The following STAG1 variants were observed in gnomAD, a reference collection of about 807,000 sequenced individuals.
STAG1 encodes STAG1 cohesin complex component.
In STAG1, 26 loss-of-function variants were observed where a neutral mutation model predicts 170.9. That is an observed-to-expected ratio of 0.15 (90% CI 0.11 to 0.21). The LOEUF (loss-of-function observed/expected upper bound fraction) is 0.21, where lower values mean the gene tolerates loss of function less well. STAG1 is among the 10% of genes least tolerant of loss of function. The pLI, the probability that STAG1 is intolerant of heterozygous loss-of-function variation, is 1.00. For synonymous variants in STAG1, 514 were observed against 497.7 expected (o/e 1.03, Z -0.44); for missense variants, 964 against 1,509.5 (o/e 0.64, Z 5.99).
At chr3:136,421,485 T>C (rs1272336652) in intron 19 of STAG1, among the ~76,000 whole-genome samples, 1 of 152,194 alleles carries the variant, frequency 6.6e-6, no homozygotes, top group Non-Finnish European at 1.5e-5. Context: ...TGTCAGTCAC[T>C]TTTGTAGCTT....
At chr3:136,699,255 T>C (rs1303008327) in intron 1 of STAG1, among the ~76,000 whole-genome samples, 1 of 152,202 alleles carries the variant, frequency 6.6e-6, no homozygotes, top group Non-Finnish European at 1.5e-5. Context: ...AATGTCTCAA[T>C]AGCCTACTTA....
At chr3:136,600,922 C>A (rs1461726231) in intron 4 of STAG1, among the ~76,000 whole-genome samples, 1 of 151,664 alleles carries the variant, frequency 6.6e-6, no homozygotes, top group East Asian at 1.9e-4. Flanking sequence ...AAGAAGTCTT[C>A]CTCTGTCGCC....
At chr3:136,748,052 G>A (rs1044049924) in intron 1 of STAG1, among the ~76,000 whole-genome samples, 1 of 150,808 alleles carries the variant, frequency 6.6e-6, no homozygotes, top group Non-Finnish European at 1.5e-5. Context: ...TGGGATTACA[G>A]GCGTGAGCCA....
chr3:136,749,219 C>A (rs1935105141), intron 1 of STAG1, among the ~76,000 whole-genome samples: 1 of 152,126 alleles, frequency 6.6e-6, no homozygotes, highest in Non-Finnish European at 1.5e-5. Flanking sequence ...GGCCTCAGAG[C>A]TTAGCTGGTG....
chr3:136,433,407 T>C (rs2088366552), intron 16 of STAG1, 149 bp downstream of exon 16: 1 of 640,592 alleles, frequency 1.6e-6, no homozygotes, highest in East Asian at 3.0e-5. Flanking sequence ...GAGTATAGCA[T>C]ATAGGATATA....
chr3:136,352,679 A>G (rs1405996116), intron 28 of STAG1, among the ~76,000 whole-genome samples: 2 of 152,178 alleles, frequency 1.3e-5, no homozygotes, highest in African/African-American at 4.8e-5. Context: ...GAGTACCTAT[A>G]CAATCATTCT....
Position 136,654,945 on chromosome 3 carries a change from A to C in STAG1, c.-83-23964T>G, listed in dbSNP as rs930328914. On this transcript the variant is annotated intron_variant, in intron 1 of 33. Coordinates refer to ENST00000383202, the MANE Select transcript of STAG1 (RefSeq NM_005862.3). ...AGTAATGGAAAAACTGGGTAGCCAC[A>C]TGCAAATTTGGACCCTTATTTAACA... Among the ~76,000 whole-genome samples the C allele has an allele frequency of 5.3e-5, 8 of 152,224 alleles. No individual in the cohort carries two copies. The South Asian group carries it at 1.2e-3, about 24-fold the overall frequency.
chr3:136,443,171 G>T, intron 15 of STAG1, 116 bp downstream of exon 15: 1 of 594,906 alleles, frequency 1.7e-6, no homozygotes, highest in Non-Finnish European at 2.8e-6. Flanking sequence ...TGTTCTCTTG[G>T]CAAAAAGACA....
rs77063347 is a variant in STAG1, at chr3:136,500,582, A to C, written c.829-286T>G. Among the ~76,000 whole-genome samples, 563 of 152,318 alleles carry C rather than the reference A, an allele frequency of 3.7e-3. 5 individuals carry two copies. The highest frequency in any genetic ancestry group is 0.011 in the African/African-American group (477 of 41,570). ...GTGGTCAGATTCCTATCTCCAAAAT[A>C]TCATCTGCCTTAGGAACAGAACTCT... is the stretch of plus-strand genomic sequence containing the variant. On this transcript the variant is annotated intron_variant, in intron 8 of 33. Coordinates refer to ENST00000383202, the MANE Select transcript of STAG1 (RefSeq NM_005862.3).
intron 9 of STAG1, among the ~76,000 whole-genome samples, chr3:136,498,947 T>C (rs1169423558): frequency 6.6e-6 from 1 of 152,162 alleles, no homozygotes; most frequent in Non-Finnish European, 1.5e-5. Context: ...AACTTGCCAC[T>C]TGGTATACAC....
At chr3:136,457,887 G>C (rs1199836782) in intron 13 of STAG1, among the ~76,000 whole-genome samples, 6 of 152,026 alleles carry the variant, frequency 3.9e-5, no homozygotes, top group Non-Finnish European at 8.8e-5. Context: ...CTTGAGCTTA[G>C]GAGTTTGAGA....
At chr3:136,474,755 T>C (rs1470466642) in intron 10 of STAG1, among the ~76,000 whole-genome samples, 1 of 152,212 alleles carries the variant, frequency 6.6e-6, no homozygotes, top group Non-Finnish European at 1.5e-5. Context: ...GCTGATGCCC[T>C]ACCCAGGTCC....
At chr3:136,339,488 A>T (rs1935852507) in intron 32 of STAG1, among the ~76,000 whole-genome samples, 1 of 152,222 alleles carries the variant, frequency 6.6e-6, no homozygotes, top group Admixed American at 6.5e-5. Flanking sequence ...GCAGCATTGC[A>T]CTACAGCCTG....
chr3:136,518,429 A>G, intron 7 of STAG1: 1 of 700,214 alleles, frequency 1.4e-6, no homozygotes, highest in South Asian at 1.5e-5. Flanking sequence ...CAAAGTGAAT[A>G]AAAATGATTA....
chr3:136,345,249 C>A (rs1010824461), intron 29 of STAG1, among the ~76,000 whole-genome samples: 2 of 151,996 alleles, frequency 1.3e-5, no homozygotes, highest in Non-Finnish European at 2.9e-5. Flanking sequence ...GCCATCATGT[C>A]CAGCTAATTT....
intron 7 of STAG1, among the ~76,000 whole-genome samples, chr3:136,516,619 ATG>A (rs1934393677): frequency 6.6e-6 from 1 of 152,222 alleles, no homozygotes; most frequent in East Asian, 1.9e-4. Context: ...CCCATCTGTC[ATG>A]TCTTATTACT....
chr3:136,536,587 G>A (rs1384050203), intron 6 of STAG1, among the ~76,000 whole-genome samples: 1 of 151,398 alleles, frequency 6.6e-6, no homozygotes, highest in Non-Finnish European at 1.5e-5. Context: ...TGTAGTCCCA[G>A]CTACTCAGGA....
intron 1 of STAG1, among the ~76,000 whole-genome samples, chr3:136,690,445 C>G (rs996283770): frequency 6.6e-6 from 1 of 152,218 alleles, no homozygotes; most frequent in African/African-American, 2.4e-5. Context: ...CCATGTTGGG[C>G]AGGCTGGTCT....
intron 6 of STAG1, among the ~76,000 whole-genome samples, chr3:136,527,932 T>C (rs959035303): frequency 3.3e-5 from 5 of 152,162 alleles, no homozygotes; most frequent in African/African-American, 1.2e-4. Flanking sequence ...TGCCACCTGA[T>C]TGTTCCTCGG....
Sources: gnomAD v4.1 joint callset for allele counts (sites outside exome capture counted in the v4.1 genomes callset) on GRCh38, gnomAD v4.1.1 for gene constraint, MANE v1.5 for transcripts, NCBI Gene and HGNC (gene_info 2026-07-23, HGNC 2026-07-21) for gene names.